LRRK1: variants seen among roughly 807,000 people sequenced by gnomAD.
LRRK1 encodes the protein leucine rich repeat kinase 1.
In LRRK1, 113 loss-of-function variants were observed where a neutral mutation model predicts 209.1. That is an observed-to-expected ratio of 0.54 (90% confidence interval 0.46 to 0.63). The LOEUF is 0.63. Ranked by LOEUF, LRRK1 falls within the 30% of genes least tolerant of loss-of-function variation. The pLI, the probability that LRRK1 is intolerant of heterozygous loss-of-function variation, is 0.00. For synonymous variants in LRRK1, 1,144 were observed against 1,099.7 expected, an observed-to-expected ratio of 1.04 and a Z score of -0.80; for missense variants, 2,284 against 2,632.2, an observed-to-expected ratio of 0.87 and a Z score of 2.89.
intron 12 of LRRK1, among the ~76,000 whole-genome samples, chr15:101,016,072 C>G (rs965213782): frequency 2.6e-5 from 4 of 151,806 alleles, no homozygotes; most frequent in African/African-American, 4.8e-5. Context: ...TCCCTGCAAC[C>G]TCCGCCTCCC....
intron 2 of LRRK1, among the ~76,000 whole-genome samples, chr15:100,947,104 C>T (rs942531791): frequency 1.4e-4 from 22 of 152,088 alleles, no homozygotes; most frequent in African/African-American, 5.3e-4. Context: ...ATTACAGGCC[C>T]GCACCACCAT....
intron 2 of LRRK1, among the ~76,000 whole-genome samples, chr15:100,962,497 T>C (rs1200586839): frequency 1.3e-5 from 2 of 151,968 alleles, no homozygotes. Context: ...AGCACTGCAC[T>C]CCAGCCTGGG....
At chr15:101,050,681 G>C (rs531215574) in intron 23 of LRRK1, 2 of 152,572 alleles carry the variant, frequency 1.3e-5, no homozygotes, top group Admixed American at 1.3e-4. Flanking sequence ...AGGTGGCTAA[G>C]AGGCAGTGGC....
At chr15:101,013,253 G>A (rs1158316885) in intron 10 of LRRK1, among the ~76,000 whole-genome samples, 1 of 152,208 alleles carries the variant, frequency 6.6e-6, no homozygotes, top group Non-Finnish European at 1.5e-5. Context: ...GGTTCTGATG[G>A]TGGGCGGTGG....
At chr15:101,049,222 C>T (rs2035257521) in intron 22 of LRRK1, among the ~76,000 whole-genome samples, 1 of 152,212 alleles carries the variant, frequency 6.6e-6, no homozygotes, top group Non-Finnish European at 1.5e-5. Flanking sequence ...AAATATTCTT[C>T]AGCTCTGTGA....
intron 2 of LRRK1, among the ~76,000 whole-genome samples, chr15:100,941,854 G>A (rs539355286): frequency 1.3e-5 from 2 of 152,226 alleles, no homozygotes; most frequent in East Asian, 1.9e-4. Context: ...GGCACAAGCT[G>A]GAGAGGGGCC....
At chr15:100,927,252 C>T (rs1387333946) in intron 2 of LRRK1, among the ~76,000 whole-genome samples, 1 of 152,158 alleles carries the variant, frequency 6.6e-6, no homozygotes, top group Non-Finnish European at 1.5e-5. Context: ...AAACCCATCC[C>T]CACCTCCAAG....
In LRRK1 at chr15:100,980,469, T is replaced by G. The variant is rs28825719; in HGVS notation, c.262-3059T>G. On this transcript the variant is annotated intron_variant, in intron 3 of 33. Coordinates refer to ENST00000388948, the MANE Select transcript of LRRK1 (RefSeq NM_024652.6). ...GGTGCGTGGCATGAGGGAGACCTTT[T>G]GATGGAACAGGTGATGGAACAGGTT... Among the ~76,000 whole-genome samples the G allele has an allele frequency of 7.8e-3, 1,189 of 152,306 alleles. 21 individuals carry two copies. Among genetic ancestry groups the G allele is most frequent in the African/African-American group, 0.027 (1,103 of 41,568 alleles).
chr15:101,003,791 C>T (rs2032814865), intron 6 of LRRK1, among the ~76,000 whole-genome samples: 1 of 152,164 alleles, frequency 6.6e-6, no homozygotes. Context: ...ACAGCCAAAC[C>T]ATATCACCCT....
Position 101,027,557 on chromosome 15 carries a change from C to A in LRRK1, c.2527-81C>A. On this transcript the variant is annotated intron_variant, in intron 18 of 33. Transcript: ENST00000388948. The surrounding 1 kb of genome is among the most constrained non-coding windows in gnomAD (Gnocchi z 5.1). ...GGAAACGTCCCACCCCCTCAGGCCA[C>A]AGGGGCCGGGCAGGATCTGCCCAAG... 1 of 1,556,640 alleles carries A rather than the reference C, an allele frequency of 6.4e-7. No individual in the cohort carries two copies. Among genetic ancestry groups the A allele is most frequent in the Non-Finnish European group, 8.7e-7 (1 of 1,148,752 alleles).
intron 1 of LRRK1, among the ~76,000 whole-genome samples, chr15:100,923,940 G>A (rs910622517): frequency 6.6e-6 from 1 of 152,212 alleles, no homozygotes; most frequent in African/African-American, 2.4e-5. Flanking sequence ...GCTAACCTCC[G>A]TCATTTAGCT....
Position 101,049,699 on chromosome 15 carries a change from G to C in LRRK1, c.3355G>C (p.Val1119Leu). ...KKKKSGGMKIVCQSEVRDFSA... is the reference protein window; with the variant it reads ...KKKKSGGMKILCQSEVRDFSA... ...GAAGAAAAGCGGAGGAATGAAAATT[G>C]TTTGCCAATCAGAAGTGAGGGACTT... Residue 1119 changes from valine to leucine, a missense_variant, in exon 23 of 34, where the codon GTT becomes CTT. Transcript: ENST00000388948. 6.2e-7 allele frequency: 1 copy of C among 1,614,160 alleles called. No individual in the cohort carries two copies. The highest frequency in any genetic ancestry group is 8.5e-7 in the Non-Finnish European group (1 of 1,180,000).
rs756523500 is a variant in LRRK1 at position 101,066,139 on chromosome 15, A to G, written c.5702A>G (p.Glu1901Gly). Residue 1901 changes from glutamate to glycine, a missense_variant, in exon 32 of 34, where the codon GAG becomes GGG. Glu to Gly is a moderately conservative substitution (Grantham distance 98). Transcript: ENST00000388948. ...SEHDLTPMDGETFSQHLQAVK... is the reference protein window; with the variant it reads ...SEHDLTPMDGGTFSQHLQAVK... ...CATGACCTGACCCCCATGGACGGGG[A>G]GACCTTCAGCCAGCACCTGCAGGCC... The G allele has an allele frequency of 6.2e-7, 1 of 1,613,970 alleles. No homozygotes were observed. Among genetic ancestry groups the G allele is most frequent in the Non-Finnish European group, 8.5e-7 (1 of 1,179,998 alleles).
Position 101,073,093 on chromosome 15 carries a change from A to G in LRRK1, c.*4245A>G, listed in dbSNP as rs1033723770. ...CTCACCAATTTCAAATCCAGTAAGCAGCCTCTTTTTACTCTCTTCTCCAAC... is the reference window on the plus strand; with the variant it reads ...CTCACCAATTTCAAATCCAGTAAGCGGCCTCTTTTTACTCTCTTCTCCAAC... On this transcript the variant is annotated 3_prime_UTR_variant, in exon 34 of 34. Coordinates refer to ENST00000388948, the MANE Select transcript of LRRK1 (RefSeq NM_024652.6). 23 of 184,562 alleles carry G rather than the reference A, an allele frequency of 1.2e-4. No individual in the cohort carries two copies. Among genetic ancestry groups the G allele is most frequent in the Admixed American group, 5.0e-4 (8 of 16,024 alleles). 11.4% of individuals were successfully genotyped at this position (184,562 alleles called of 1,614,324 possible).
At chr15:101,063,092 C>T (rs1353885118) in intron 31 of LRRK1, among the ~76,000 whole-genome samples, 2 of 152,152 alleles carry the variant, frequency 1.3e-5, no homozygotes, top group Non-Finnish European at 2.9e-5. Context: ...AGGTCCTGAT[C>T]TCCCTCCCTC....
intron 2 of LRRK1, among the ~76,000 whole-genome samples, chr15:100,960,261 A>G (rs1208013904): frequency 7.4e-6 from 1 of 134,574 alleles, no homozygotes; most frequent in Non-Finnish European, 1.5e-5. Context: ...TGCAATCAGC[A>G]TCTACGTTCA....
intron 2 of LRRK1, 45 bp from the exon 3 acceptor site, chr15:100,973,759 G>C: frequency 7.9e-7 from 1 of 1,258,632 alleles, no homozygotes; most frequent in Non-Finnish European, 1.0e-6. Context: ...AGAGCACGCG[G>C]GCAGTGGGCG....
At chr15:101,033,722 A>G (rs1406912690) in intron 20 of LRRK1, among the ~76,000 whole-genome samples, 4 of 152,202 alleles carry the variant, frequency 2.6e-5, no homozygotes, top group Non-Finnish European at 5.9e-5. Context: ...GTGCTGCAAT[A>G]GATAAGGGAA....
At chr15:101,034,956 C>T (rs979124982) in intron 20 of LRRK1, among the ~76,000 whole-genome samples, 1 of 151,450 alleles carries the variant, frequency 6.6e-6, no homozygotes, top group African/African-American at 2.4e-5. Flanking sequence ...TTTTTCATTA[C>T]CAATTTTGGT....
Sources: allele counts gnomAD v4.1 joint callset (sites outside exome capture counted in the v4.1 genomes callset), GRCh38; gene constraint gnomAD v4.1.1; non-coding constraint Gnocchi (gnomAD v3.1); transcripts MANE v1.5; gene names NCBI Gene and HGNC (gene_info 2026-07-23, HGNC 2026-07-21).